Variants in WDPCP observed in about 807,000 individuals in gnomAD.
WDPCP encodes the protein WD repeat containing planar cell polarity effector, also known as WD repeat-containing and planar cell polarity effector protein fritz homolog.
Under a neutral mutation model 93.1 loss-of-function variants are expected in WDPCP, and 71 were observed. The observed-to-expected ratio is 0.76, with a 90% confidence interval of 0.63 to 0.93. The LOEUF is 0.93. Ranked by LOEUF, WDPCP falls within the 40% of genes least tolerant of loss-of-function variation. The probability of loss-of-function intolerance (pLI) is 0.00; values close to 1 mark genes in which losing one functional copy is unlikely to be tolerated. For missense variants in WDPCP, 844 were observed against 887.4 expected (o/e 0.95, Z 0.62); for synonymous variants, 315 against 315.0 (o/e 1.00, Z 0.00).
chr2:63,357,466 C>A (rs1690104683), intron 12 of WDPCP, among the ~76,000 whole-genome samples: 1 of 152,066 alleles, frequency 6.6e-6, no homozygotes, highest in South Asian at 2.1e-4. Context: ...TGAACAGACA[C>A]TCCTCAAAAG....
intron 1 of WDPCP, among the ~76,000 whole-genome samples, chr2:63,556,798 CATCA>C: frequency 6.6e-6 from 1 of 152,244 alleles, no homozygotes; most frequent in Non-Finnish European, 1.5e-5. Context: ...AAGGGAAGCC[CATCA>C]GACTAACAGC....
intron 2 of WDPCP, among the ~76,000 whole-genome samples, chr2:63,807,013 G>A (rs913720194): frequency 6.6e-6 from 1 of 152,178 alleles, no homozygotes; most frequent in Admixed American, 6.5e-5. Context: ...ACAGGCATAG[G>A]AAATCACAAG....
intron 12 of WDPCP, among the ~76,000 whole-genome samples, chr2:63,372,551 C>G (rs192264794): frequency 6.6e-6 from 1 of 152,032 alleles, no homozygotes; most frequent in African/African-American, 2.4e-5. Flanking sequence ...AGTATAGTCT[C>G]CACTTGTTGG....
intron 13 of WDPCP, among the ~76,000 whole-genome samples, chr2:63,271,064 G>A (rs1461442742): frequency 3.9e-5 from 6 of 152,182 alleles, no homozygotes; most frequent in Admixed American, 3.9e-4. Context: ...ACTCAGGTAT[G>A]CCCAGGTTTG....
intron 2 of WDPCP, among the ~76,000 whole-genome samples, chr2:63,715,776 T>C (rs1465830171): frequency 6.6e-6 from 1 of 152,214 alleles, no homozygotes; most frequent in Non-Finnish European, 1.5e-5. Flanking sequence ...AATTCTCTAC[T>C]TCTCAGCATC....
At chr2:63,561,207 G>A (rs112028067) in intron 1 of WDPCP, among the ~76,000 whole-genome samples, 26,006 of 152,142 alleles carry the variant, frequency 0.17, 2,947 homozygotes, top group Non-Finnish European at 0.23. Context: ...GGCCAGGCAC[G>A]GTGGCTCACG....
intron 2 of WDPCP, among the ~76,000 whole-genome samples, chr2:63,749,630 G>A (rs1014077193): frequency 1.3e-5 from 2 of 152,082 alleles, no homozygotes; most frequent in Non-Finnish European, 2.9e-5. Context: ...ACCTGTTTAA[G>A]GTAGGCTAGG....
chr2:63,153,276 AG>A (rs1272912909), intron 16 of WDPCP, among the ~76,000 whole-genome samples: 1 of 152,156 alleles, frequency 6.6e-6, no homozygotes, highest in Non-Finnish European at 1.5e-5. Flanking sequence ...CTTTTTAACA[AG>A]ATCTCCAAAT....
At chr2:63,786,294 A>G (rs7606880) in intron 2 of WDPCP, among the ~76,000 whole-genome samples, 140,126 of 152,222 alleles carry the variant, frequency 0.92, 64,607 homozygotes, top group East Asian at 1. Context: ...TTACAGGTGT[A>G]AGCCACCACA....
At chr2:63,214,063 T>C (rs1044604008) in intron 14 of WDPCP, among the ~76,000 whole-genome samples, 3 of 152,194 alleles carry the variant, frequency 2.0e-5, no homozygotes, top group African/African-American at 7.2e-5. Context: ...GCTGGTACCA[T>C]GCCTTCTGAA....
intron 14 of WDPCP, among the ~76,000 whole-genome samples, chr2:63,256,508 A>G (rs769828261): frequency 1.3e-5 from 2 of 152,190 alleles, no homozygotes; most frequent in Non-Finnish European, 2.9e-5. Context: ...GAGAAGGGAA[A>G]TTGTTAACAA....
intron 1 of WDPCP, among the ~76,000 whole-genome samples, chr2:63,580,906 G>T (rs576982112): frequency 6.6e-6 from 1 of 152,222 alleles, no homozygotes; most frequent in Admixed American, 6.5e-5. Flanking sequence ...AGTTACTCTC[G>T]AATGATTCAG....
intron 9 of WDPCP, among the ~76,000 whole-genome samples, chr2:63,431,930 A>G (rs543139134): frequency 6.6e-6 from 1 of 152,156 alleles, no homozygotes; most frequent in East Asian, 1.9e-4. Flanking sequence ...TTTGCATACA[A>G]CTTTATGAAA....
intron 2 of WDPCP, among the ~76,000 whole-genome samples, chr2:63,653,350 C>T (rs1278425378): frequency 6.6e-6 from 1 of 152,130 alleles, no homozygotes; most frequent in Non-Finnish European, 1.5e-5. Flanking sequence ...ATCAGGTTCC[C>T]ACCAACTAGA....
At chr2:63,742,602 G>T (rs932186349) in intron 2 of WDPCP, among the ~76,000 whole-genome samples, 5 of 150,394 alleles carry the variant, frequency 3.3e-5, no homozygotes, top group African/African-American at 1.2e-4. Flanking sequence ...TGCCTACAAG[G>T]GTTCTTTTTT....
intron 12 of WDPCP, among the ~76,000 whole-genome samples, chr2:63,324,436 G>A (rs1468643402): frequency 6.6e-6 from 1 of 152,114 alleles, no homozygotes; most frequent in African/African-American, 2.4e-5. Flanking sequence ...AGCTGTAGGG[G>A]AAGGGGAATT....
intron 2 of WDPCP, among the ~76,000 whole-genome samples, chr2:63,770,788 A>C (rs1670213389): frequency 6.6e-6 from 1 of 151,976 alleles, no homozygotes; most frequent in East Asian, 1.9e-4. Context: ...GACAGGGAAT[A>C]TTGCAACAGA....
chr2:63,638,375 A>G (rs1709944608), intron 3 of WDPCP, among the ~76,000 whole-genome samples: 1 of 152,072 alleles, frequency 6.6e-6, no homozygotes, highest in Non-Finnish European at 1.5e-5. Context: ...TGAGGCGATG[A>G]TTATGTTAAT....
intron 6 of WDPCP, among the ~76,000 whole-genome samples, chr2:63,452,141 G>A (rs1233064084): frequency 6.6e-6 from 1 of 152,152 alleles, no homozygotes; most frequent in African/African-American, 2.4e-5. Context: ...AGGAAAAGAG[G>A]AAGTCAAATT....
Sources: gnomAD v4.1 joint callset for allele counts (sites outside exome capture counted in the v4.1 genomes callset) on GRCh38, gnomAD v4.1.1 for gene constraint, MANE v1.5 for transcripts, NCBI Gene and HGNC (gene_info 2026-07-23, HGNC 2026-07-21) for gene names.